Variants in TPD52L1 observed in about 807,000 individuals in gnomAD.
TPD52L1 encodes tumor protein D53.
A neutral mutation model predicts 28.7 loss-of-function variants in TPD52L1; 18 were observed. The observed-to-expected ratio is 0.63, with a 90% CI of 0.43 to 0.93. The LOEUF is 0.93. TPD52L1 is among the 40% of genes least tolerant of loss of function. The pLI is 0.00. For missense variants in TPD52L1, 203 were observed against 254.8 expected (o/e 0.80, Z 1.39); for synonymous variants, 75 against 88.8 (o/e 0.84, Z 0.88).
At chr6:125,172,561 A>AATATATATAATATAT (rs1562215221) in intron 1 of TPD52L1, among the ~76,000 whole-genome samples, 21 of 90,448 alleles carry the variant, frequency 2.3e-4, no homozygotes, top group African/African-American at 1.0e-3. Flanking sequence ...TAATATATAT[A>AATATATATAATATAT]CTATATGGCA....
At chr6:125,180,963 C>T (rs1299703263) in intron 1 of TPD52L1, among the ~76,000 whole-genome samples, 1 of 151,982 alleles carries the variant, frequency 6.6e-6, no homozygotes. Flanking sequence ...ATGAAGGAGG[C>T]TGGTGTTGCT....
chr6:125,187,019 T>G (rs1357971380), intron 1 of TPD52L1, among the ~76,000 whole-genome samples: 6 of 152,132 alleles, frequency 3.9e-5, no homozygotes, highest in Admixed American at 2.0e-4. Context: ...TCATCAAATT[T>G]AATAGACAAA....
chr6:125,219,523 C>T (rs1189132177), intron 1 of TPD52L1, among the ~76,000 whole-genome samples: 1 of 152,220 alleles, frequency 6.6e-6, no homozygotes, highest in East Asian at 1.9e-4. Flanking sequence ...TTGCAAGCTG[C>T]TTTCCCATGC....
intron 6 of TPD52L1, among the ~76,000 whole-genome samples, chr6:125,258,455 C>T (rs958766577): frequency 6.6e-6 from 1 of 152,074 alleles, no homozygotes; most frequent in Non-Finnish European, 1.5e-5. Flanking sequence ...AAATGAAAGG[C>T]TCAAAAATCC....
intron 1 of TPD52L1, among the ~76,000 whole-genome samples, chr6:125,159,885 T>A (rs1235909683): frequency 6.6e-6 from 1 of 152,140 alleles, no homozygotes; most frequent in East Asian, 1.9e-4. Flanking sequence ...GAATTGTAGC[T>A]CCCATAATTC....
In TPD52L1 at chr6:125,200,397, T is replaced by C. The variant is rs577534397; in HGVS notation, c.20-19681T>C. On this transcript the variant is annotated intron_variant, in intron 1 of 6. Coordinates refer to ENST00000534000, the MANE Select transcript of TPD52L1 (RefSeq NM_003287.4). ...ACTAGAGACAAAAGATATACATGGT[T>C]TTTTGAATAATTTAGCATGTCCTAA... 1.6e-3 allele frequency among the ~76,000 whole-genome samples: 241 copies of C among 152,332 alleles called. 2 individuals carry two copies. Among genetic ancestry groups the C allele is most frequent in the Non-Finnish European group, 9.7e-4 (66 of 68,026 alleles).
chr6:125,192,040 G>T (rs1256010700), intron 1 of TPD52L1, among the ~76,000 whole-genome samples: 7 of 152,180 alleles, frequency 4.6e-5, no homozygotes, highest in Non-Finnish European at 1.0e-4. Context: ...TAGCATGCCA[G>T]GGGGGAAGAA....
chr6:125,171,311 G>A, intron 1 of TPD52L1, among the ~76,000 whole-genome samples: 1 of 152,160 alleles, frequency 6.6e-6, no homozygotes, highest in East Asian at 1.9e-4. Context: ...GCCTATCAAT[G>A]CTTGTGGCAG....
intron 1 of TPD52L1, among the ~76,000 whole-genome samples, chr6:125,213,784 G>A (rs1374062180): frequency 6.6e-6 from 1 of 152,178 alleles, no homozygotes; most frequent in Non-Finnish European, 1.5e-5. Flanking sequence ...GGGATAGCCT[G>A]AAGGATATTC....
chr6:125,253,519 C>T (rs1303541323), intron 4 of TPD52L1, 198 bp from the exon 5 acceptor site: 1 of 570,740 alleles, frequency 1.8e-6, no homozygotes, highest in African/African-American at 1.9e-5. Context: ...CCACCATCTA[C>T]TTTTCATTTA....
intron 1 of TPD52L1, among the ~76,000 whole-genome samples, chr6:125,205,405 T>C (rs191509458): frequency 3.9e-5 from 6 of 152,326 alleles, no homozygotes; most frequent in Admixed American, 3.9e-4. Context: ...TCACCTTAGA[T>C]GGTCCTTCCC....
intron 1 of TPD52L1, among the ~76,000 whole-genome samples, chr6:125,181,100 A>C (rs1329037117): frequency 6.6e-6 from 1 of 152,212 alleles, no homozygotes; most frequent in Non-Finnish European, 1.5e-5. Context: ...GAAGAATCTG[A>C]TGGCAGTGAA....
chr6:125,204,568 C>T lies in TPD52L1; in HGVS notation c.20-15510C>T, dbSNP rs1389749047. Among the ~76,000 whole-genome samples the T allele has an allele frequency of 2.6e-5, 4 of 152,256 alleles. No homozygotes were observed. In the East Asian group the frequency reaches 7.7e-4, roughly 29 times the overall value. ...GATCTCGGCTCACTGCAAGCTCCGC[C>T]TCCTGGGTTCACGCCATTCTCCTGC... On this transcript the variant is annotated intron_variant, in intron 1 of 6. Coordinates refer to ENST00000534000, the MANE Select transcript of TPD52L1 (RefSeq NM_003287.4).
chr6:125,174,817 G>T (rs1031064143), intron 1 of TPD52L1, among the ~76,000 whole-genome samples: 1 of 152,138 alleles, frequency 6.6e-6, no homozygotes, highest in Non-Finnish European at 1.5e-5. Flanking sequence ...AACAAGACAG[G>T]CTTGCTGAAA....
At chr6:125,203,574 A>C in intron 1 of TPD52L1, 2 of 947,278 alleles carry the variant, frequency 2.1e-6, no homozygotes, top group Non-Finnish European at 2.5e-6. Context: ...CATTGAAAGT[A>C]GAGCTGTTGT....
chr6:125,239,413 G>T, intron 3 of TPD52L1, among the ~76,000 whole-genome samples: 1 of 152,192 alleles, frequency 6.6e-6, no homozygotes, highest in South Asian at 2.1e-4. Context: ...AATTATGGCA[G>T]AAGGTGGAAG....
At chr6:125,237,271 G>C (rs1275437356) in intron 3 of TPD52L1, among the ~76,000 whole-genome samples, 6 of 152,182 alleles carry the variant, frequency 3.9e-5, no homozygotes, top group African/African-American at 1.4e-4. Flanking sequence ...AAAAGGGACT[G>C]TAGAAGGATA....
chr6:125,172,479 T>TG (rs370592177), intron 1 of TPD52L1, among the ~76,000 whole-genome samples: 1,793 of 93,894 alleles, frequency 0.019, 28 homozygotes, highest in Non-Finnish European at 0.024. Flanking sequence ...TGTGTGTGTG[T>TG]TTTTTTTTTA....
intron 3 of TPD52L1, among the ~76,000 whole-genome samples, chr6:125,236,159 G>A (rs1053278799): frequency 6.6e-6 from 1 of 152,084 alleles, no homozygotes; most frequent in African/African-American, 2.4e-5. Context: ...AATCTGAAGG[G>A]ATTTAGCTCC....
Sources: allele counts gnomAD v4.1 joint callset (sites outside exome capture counted in the v4.1 genomes callset), GRCh38; gene constraint gnomAD v4.1.1; transcripts MANE v1.5; gene names NCBI Gene and HGNC (gene_info 2026-07-23, HGNC 2026-07-21).